MYO18B: variants seen among roughly 807,000 people sequenced by gnomAD.
The protein encoded by MYO18B is unconventional myosin-XVIIIb.
Under a neutral mutation model 273.0 loss-of-function variants are expected in MYO18B, and 204 were observed. The observed-to-expected ratio is 0.75, with a 90% CI of 0.67 to 0.84. The LOEUF (loss-of-function observed/expected upper bound fraction) is 0.84, where lower values mean the gene tolerates loss of function less well. Among genes scored for constraint, MYO18B ranks in the 40% least tolerant of loss-of-function variants. MYO18B has a pLI of 0.00. For synonymous variants in MYO18B, 1,330 were observed against 1,305.7 expected (o/e 1.02, Z -0.40); for missense variants, 3,212 against 3,287.6 (o/e 0.98, Z 0.56).
At position 25,841,851 on chromosome 22, in the gene MYO18B, C is replaced by G. The variant is rs145148454; in HGVS notation, c.3209-1884C>G. ...AGGAGGCAGCCAGGTAAACAGATACCTGTAGCATTGTAAATGCAGCACGGA... is the reference window on the plus strand; with the variant it reads ...AGGAGGCAGCCAGGTAAACAGATACGTGTAGCATTGTAAATGCAGCACGGA... On this transcript the variant is annotated intron_variant, in intron 17 of 43. Coordinates refer to ENST00000335473, the MANE Select transcript of MYO18B (RefSeq NM_032608.7). Among the ~76,000 whole-genome samples, 1,026 of 152,332 alleles carry G rather than the reference C, an allele frequency of 6.7e-3. 16 individuals carry two copies. Among genetic ancestry groups the G allele is most frequent in the African/African-American group, 0.023 (975 of 41,572 alleles).
intron 39 of MYO18B, among the ~76,000 whole-genome samples, chr22:25,989,468 T>C (rs973114521): frequency 6.6e-6 from 1 of 151,942 alleles, no homozygotes; most frequent in Non-Finnish European, 1.5e-5. Context: ...CCAGTGACAC[T>C]GTTGTCCTGG....
chr22:26,039,257 A>T, the MYO18B span, among the ~76,000 whole-genome samples: 13 of 152,270 alleles, frequency 8.5e-5, no homozygotes, highest in Middle Eastern at 3.4e-3. Flanking sequence ...AGATGTTACT[A>T]TACCTGGCTC....
At chr22:25,907,275 C>T (rs568049066) in intron 31 of MYO18B, among the ~76,000 whole-genome samples, 3 of 152,296 alleles carry the variant, frequency 2.0e-5, no homozygotes, top group East Asian at 1.9e-4. Flanking sequence ...TTTTGCCTTC[C>T]ACTCTAGAAC....
At chr22:25,775,839 A>C (rs979697916) in intron 7 of MYO18B, among the ~76,000 whole-genome samples, 2 of 151,514 alleles carry the variant, frequency 1.3e-5, no homozygotes, top group Non-Finnish European at 2.9e-5. Flanking sequence ...TTCATCGATC[A>C]TCTCTGTCTT....
intron 31 of MYO18B, among the ~76,000 whole-genome samples, chr22:25,906,636 A>G (rs1165247008): frequency 2.6e-5 from 4 of 152,128 alleles, no homozygotes; most frequent in Non-Finnish European, 5.9e-5. Flanking sequence ...GTCTGTTTTC[A>G]CACTGCTGTG....
chr22:25,885,633 G>T (rs888732617), intron 25 of MYO18B, among the ~76,000 whole-genome samples: 3 of 152,172 alleles, frequency 2.0e-5, no homozygotes, highest in Admixed American at 2.0e-4. Context: ...TGGATCGCAG[G>T]GGGTCAGGAG....
the MYO18B span, among the ~76,000 whole-genome samples, chr22:26,043,511 C>CTTTTTTTTTTTTTTTTTTTTTTTTTT: frequency 8.1e-6 from 1 of 123,036 alleles, no homozygotes. Flanking sequence ...TTTTTTCTTT[C>CTTTTTTTTTTTTTTTTTTTTTTTTTT]TTTTTTTTTT....
chr22:26,042,213 C>T, the MYO18B span, among the ~76,000 whole-genome samples: 2 of 152,208 alleles, frequency 1.3e-5, no homozygotes, highest in South Asian at 2.1e-4. Flanking sequence ...GAGTGTAACT[C>T]ACCTGGGACA....
Position 25,746,525 on chromosome 22 carries a change from A to C in MYO18B, c.-110+4232A>C, listed in dbSNP as rs133856. On this transcript the variant is annotated intron_variant, in intron 1 of 43. Transcript: ENST00000335473. ...TCCCTGTCCTTGACCCAGTAGATGC[A>C]GGTAGCACCTCCTCTCCAGTTGTGA... Among the ~76,000 whole-genome samples the C allele has an allele frequency of 0.43, 64,947 of 151,950 alleles. 17,102 individuals are homozygous for C. The highest frequency in any genetic ancestry group is 0.75 in the African/African-American group (31,045 of 41,432).
rs112457001 is a variant in MYO18B, at chr22:25,764,971, C to G, written c.198+1582C>G. ...AGAGCCTGTGTGTTCTCTGCTCTCA[C>G]AAGATGCCTGGAAAAGGACCAGTCT... On this transcript the variant is annotated intron_variant, in intron 3 of 43. Transcript: ENST00000335473. Among the ~76,000 whole-genome samples, 553 of 152,296 alleles carry G rather than the reference C, an allele frequency of 3.6e-3. 5 individuals are homozygous for G. Among genetic ancestry groups the G allele is most frequent in the African/African-American group, 0.012 (509 of 41,556 alleles).
chr22:26,003,244 C>T (rs752933734), intron 40 of MYO18B, 21 bp from the exon 41 acceptor site: 191 of 1,603,176 alleles, frequency 1.2e-4, no homozygotes, highest in Non-Finnish European at 1.5e-4. Context: ...ATAACACACT[C>T]TTTCTTGTGC....
At chr22:25,744,283 C>T (rs554949502) in intron 1 of MYO18B, among the ~76,000 whole-genome samples, 1 of 152,270 alleles carries the variant, frequency 6.6e-6, no homozygotes, top group South Asian at 2.1e-4. Flanking sequence ...AGCAGAACCA[C>T]TTCCAGCTGC....
At chr22:25,994,196 G>A (rs1932986628) in intron 40 of MYO18B, among the ~76,000 whole-genome samples, 1 of 152,234 alleles carries the variant, frequency 6.6e-6, no homozygotes, top group African/African-American at 2.4e-5. Context: ...GCCAGGCATG[G>A]TGGCCCACAC....
At chr22:26,061,908 G>A in the MYO18B span, among the ~76,000 whole-genome samples, 1 of 152,132 alleles carries the variant, frequency 6.6e-6, no homozygotes, top group Non-Finnish European at 1.5e-5. Flanking sequence ...AAAATCAGTG[G>A]TCAGAACATT....
intron 31 of MYO18B, among the ~76,000 whole-genome samples, chr22:25,904,431 A>T (rs758516339): frequency 2.0e-5 from 3 of 152,154 alleles, no homozygotes; most frequent in Non-Finnish European, 4.4e-5. Context: ...CACTTTACGG[A>T]TGTAGAAGTT....
the MYO18B span, among the ~76,000 whole-genome samples, chr22:26,053,675 A>G: frequency 5.3e-5 from 8 of 152,196 alleles, no homozygotes; most frequent in Non-Finnish European, 2.9e-5. Flanking sequence ...TAGGAATTGC[A>G]TAAGGGTGAT....
At chr22:25,751,148 T>C (rs368760979) in intron 1 of MYO18B, among the ~76,000 whole-genome samples, 3 of 152,214 alleles carry the variant, frequency 2.0e-5, no homozygotes, top group African/African-American at 7.2e-5. Context: ...TATTGAGTAA[T>C]GCAGAAATCC....
At chr22:25,862,893 A>T (rs982109315) in intron 21 of MYO18B, among the ~76,000 whole-genome samples, 1 of 151,112 alleles carries the variant, frequency 6.6e-6, no homozygotes, top group Admixed American at 6.6e-5. Flanking sequence ...CATTTTTCAT[A>T]CTTTTTAAAA....
intron 37 of MYO18B, 68 bp downstream of exon 37, chr22:25,950,518 ATGTGTGTG>A (rs59002655): frequency 1.8e-5 from 11 of 606,198 alleles, no homozygotes; most frequent in South Asian, 1.8e-4. Flanking sequence ...AACTAATAGG[ATGTGTGTG>A]TGTGTGTGTG....
Sources: allele counts gnomAD v4.1 joint callset (sites outside exome capture counted in the v4.1 genomes callset), GRCh38; gene constraint gnomAD v4.1.1; transcripts MANE v1.5; gene names NCBI Gene and HGNC (gene_info 2026-07-23, HGNC 2026-07-21).